The following FAM120C variants were observed in gnomAD, a reference collection of about 807,000 sequenced individuals.
FAM120C encodes family with sequence similarity 120 member C, also known as constitutive coactivator of PPAR-gamma-like protein 2.
A neutral mutation model predicts 71.2 loss-of-function variants in FAM120C; 14 were observed. The ratio of observed to expected loss-of-function variants is 0.20; its 90% CI spans 0.13 to 0.31. FAM120C has a LOEUF of 0.31. FAM120C is among the 10% of genes least tolerant of loss of function. The pLI is 1.00. For missense variants in FAM120C, 500 were observed against 879.0 expected (o/e 0.57, Z 5.45); for synonymous variants, 354 against 353.2 (o/e 1.00, Z -0.03).
chrX:54,105,377 C>G (rs782096217), intron 10 of FAM120C, among the ~76,000 whole-genome samples: 2 of 111,583 alleles, frequency 1.8e-5, no homozygotes, highest in East Asian at 5.6e-4. Context: ...GCTAAAAACT[C>G]TCAATAAACT....
chrX:54,174,011 T>C, intron 1 of FAM120C: 3 of 476,938 alleles, frequency 6.3e-6, no homozygotes, highest in Non-Finnish European at 1.1e-5. Context: ...TACGTGGCTG[T>C]TGGCAGCAAT....
intron 10 of FAM120C, among the ~76,000 whole-genome samples, chrX:54,100,846 G>T (rs1201502253): frequency 1.8e-5 from 2 of 111,811 alleles, no homozygotes; most frequent in African/African-American, 3.2e-5. Context: ...TGCTCAAACT[G>T]GTTGGAATCC....
At chrX:54,145,089 A>G (rs1390022761) in intron 4 of FAM120C, among the ~76,000 whole-genome samples, 6 of 111,964 alleles carry the variant, frequency 5.4e-5, no homozygotes, top group East Asian at 2.8e-4. Context: ...TTAATAAATG[A>G]TGCTGGGAAA....
chrX:54,114,070 ACACT>A (rs1409604904), intron 10 of FAM120C, among the ~76,000 whole-genome samples: 2 of 105,448 alleles, frequency 1.9e-5, no homozygotes, highest in African/African-American at 3.7e-5. Context: ...ACACACACAC[ACACT>A]GGAGTACTAT....
At chrX:54,178,434 T>C (rs1380998707) in intron 1 of FAM120C, among the ~76,000 whole-genome samples, 1 of 111,643 alleles carries the variant, frequency 9.0e-6, no homozygotes, top group Non-Finnish European at 1.9e-5. Context: ...GGAAACAGGA[T>C]GGTGGGATTG....
intron 1 of FAM120C, among the ~76,000 whole-genome samples, chrX:54,169,452 T>C (rs1557135658): frequency 8.9e-6 from 1 of 112,167 alleles, no homozygotes; most frequent in African/African-American, 3.2e-5. Context: ...GGCAGAATTA[T>C]GTTAGCACTC....
intron 1 of FAM120C, chrX:54,174,208 T>C: frequency 2.0e-6 from 1 of 509,277 alleles, no homozygotes; most frequent in East Asian, 3.6e-5. Flanking sequence ...GCAAACAAGA[T>C]GGAAGTCACA....
intron 6 of FAM120C, 27 bp downstream of exon 6, chrX:54,135,501 A>C: frequency 4.2e-6 from 5 of 1,179,332 alleles, no homozygotes; most frequent in Non-Finnish European, 5.8e-6. Flanking sequence ...GTCTAATGCT[A>C]TCTCAGGCTT....
chrX:54,080,689 A>G (rs1404348419), intron 14 of FAM120C, among the ~76,000 whole-genome samples: 1 of 109,282 alleles, frequency 9.2e-6, no homozygotes, highest in African/African-American at 3.3e-5. Flanking sequence ...GTGAAACCCC[A>G]TCTCTACTAA....
chrX:54,181,021 C>T (rs76146359), intron 1 of FAM120C, among the ~76,000 whole-genome samples: 2 of 96,790 alleles, frequency 2.1e-5, no homozygotes, highest in Non-Finnish European at 3.9e-5. Context: ...CAAATGTGTG[C>T]CTTTTTTTTT....
At chrX:54,088,015 T>A in intron 11 of FAM120C, 51 bp from the exon 12 acceptor site, 2 of 992,197 alleles carry the variant, frequency 2.0e-6, no homozygotes, top group Non-Finnish European at 2.8e-6. Flanking sequence ...CTATTCTTGG[T>A]AACATTTACT....
In FAM120C at chrX:54,143,596, C is replaced by T. The variant is rs868956242; in HGVS notation, c.1159-7006G>A. ...ATGGATAAATTCCTGGACACATACA[C>T]CCTCCCAAGACTAAACCAGGAAAAA... On this transcript the variant is annotated intron_variant, in intron 4 of 15. Transcript: ENST00000375180. Among the ~76,000 whole-genome samples the T allele has an allele frequency of 1.7e-4, 19 of 112,133 alleles. No homozygotes were observed. The Middle Eastern group carries it at 0.014, about 81-fold the overall frequency.
intron 9 of FAM120C, among the ~76,000 whole-genome samples, chrX:54,127,654 G>A (rs2067035242): frequency 9.3e-6 from 1 of 107,466 alleles, no homozygotes. Flanking sequence ...GGAGTGGAGT[G>A]ATCACAGCTC....
In FAM120C at chrX:54,074,578, C is replaced by A. The variant is rs190770875; in HGVS notation, c.3037-1291G>T. On this transcript the variant is annotated intron_variant, in intron 15 of 15. Transcript: ENST00000375180. ...GGATTACAGGCATGTGCCACCATGCCCGGCTAATTTTGTTTTTTAGTAGAG... is the reference window on the plus strand; with the variant it reads ...GGATTACAGGCATGTGCCACCATGCACGGCTAATTTTGTTTTTTAGTAGAG... Among the ~76,000 whole-genome samples the A allele has an allele frequency of 3.3e-3, 374 of 112,155 alleles. 2 individuals carry two copies. The highest frequency in any genetic ancestry group is 5.5e-3 in the Non-Finnish European group (293 of 53,222).
chrX:54,177,988 A>G (rs951449070), intron 1 of FAM120C, among the ~76,000 whole-genome samples: 2 of 112,324 alleles, frequency 1.8e-5, no homozygotes, highest in Non-Finnish European at 3.8e-5. Context: ...TGCATGTGGC[A>G]GCTTCAGAGT....
intron 10 of FAM120C, among the ~76,000 whole-genome samples, chrX:54,113,244 C>A (rs1052763748): frequency 2.7e-5 from 3 of 109,495 alleles, no homozygotes; most frequent in Non-Finnish European, 5.7e-5. Context: ...GGTGGATCAC[C>A]TGAGGTCAGG....
intron 3 of FAM120C, among the ~76,000 whole-genome samples, chrX:54,154,267 G>C (rs1313626914): frequency 4.6e-5 from 5 of 107,738 alleles, no homozygotes; most frequent in African/African-American, 1.7e-4. Flanking sequence ...GGGTATGGGA[G>C]GGGTGGGGGG....
intron 15 of FAM120C, among the ~76,000 whole-genome samples, chrX:54,075,481 A>G (rs782707270): frequency 9.8e-5 from 11 of 112,054 alleles, no homozygotes; most frequent in Non-Finnish European, 2.1e-4. Context: ...ACATCAAAAC[A>G]TTACAAGTAA....
Position 54,170,951 on chromosome X carries a change from G to A in FAM120C, c.700-11335C>T, listed in dbSNP as rs185227746. On this transcript the variant is annotated intron_variant, in intron 1 of 15. Transcript: ENST00000375180. ...TAGGAGAAAGAGAGCGAGAATCCAA[G>A]GGAACCTCTGGGTTACCTCAGAAAG... 3.1e-4 allele frequency among the ~76,000 whole-genome samples: 35 copies of A among 111,789 alleles called. No individual in the cohort carries two copies. In the South Asian group the frequency reaches 0.013, roughly 41 times the overall value.
Sources: allele counts gnomAD v4.1 joint callset (sites outside exome capture counted in the v4.1 genomes callset), GRCh38; gene constraint gnomAD v4.1.1; transcripts MANE v1.5; gene names NCBI Gene and HGNC (gene_info 2026-07-23, HGNC 2026-07-21).